Variants in RBMS3 observed in about 807,000 individuals in gnomAD.
RBMS3 encodes RNA binding motif single stranded interacting protein 3.
RBMS3 carries 27 observed loss-of-function variants against 66.8 expected under a neutral mutation model. That is an observed-to-expected ratio of 0.40 (90% CI 0.30 to 0.56). The LOEUF (loss-of-function observed/expected upper bound fraction) is 0.56, where lower values mean the gene tolerates loss of function less well. Among genes scored for constraint, RBMS3 ranks in the 20% least tolerant of loss-of-function variants. RBMS3 has a pLI of 0.40. For synonymous variants in RBMS3, 188 were observed against 183.0 expected (o/e 1.03, Z -0.22); for missense variants, 513 against 549.5 (o/e 0.93, Z 0.66).
At chr3:29,663,987 T>C (rs1035307678) in intron 4 of RBMS3, among the ~76,000 whole-genome samples, 2 of 152,158 alleles carry the variant, frequency 1.3e-5, no homozygotes, top group Admixed American at 1.3e-4. Context: ...CCTTTAACAA[T>C]AGAGGTATTG....
chr3:29,695,757 G>A (rs531258680), intron 4 of RBMS3, among the ~76,000 whole-genome samples: 2 of 152,138 alleles, frequency 1.3e-5, no homozygotes, highest in Admixed American at 6.6e-5. Flanking sequence ...TGGACAGCAC[G>A]GGAGAACACA....
At chr3:29,605,204 T>C (rs902366493) in intron 4 of RBMS3, among the ~76,000 whole-genome samples, 10 of 151,852 alleles carry the variant, frequency 6.6e-5, no homozygotes, top group Admixed American at 4.0e-4. Flanking sequence ...AGGAAGCCAC[T>C]GTGCAGACTA....
At chr3:29,405,026 A>G (rs1024882619) in intron 1 of RBMS3, among the ~76,000 whole-genome samples, 2 of 152,172 alleles carry the variant, frequency 1.3e-5, no homozygotes, top group Non-Finnish European at 2.9e-5. Context: ...GTTAAAAACC[A>G]CAATAACCAT....
intron 10 of RBMS3, among the ~76,000 whole-genome samples, chr3:29,926,574 T>C (rs1294236816): frequency 6.6e-6 from 1 of 152,194 alleles, no homozygotes; most frequent in African/African-American, 2.4e-5. Flanking sequence ...TTACAAGACC[T>C]TGAAAAGGAT....
chr3:29,436,520 A>G (rs2041410725), intron 2 of RBMS3, among the ~76,000 whole-genome samples: 1 of 152,240 alleles, frequency 6.6e-6, no homozygotes, highest in Non-Finnish European at 1.5e-5. Context: ...GTTGAGAATC[A>G]GAAGATAAAT....
intron 12 of RBMS3, among the ~76,000 whole-genome samples, chr3:29,955,342 T>C (rs1695961618): frequency 6.6e-6 from 1 of 152,076 alleles, no homozygotes; most frequent in South Asian, 2.1e-4. Flanking sequence ...CATATGGTCC[T>C]GTGTGTAACC....
chr3:29,796,871 C>T (rs1280975134), intron 6 of RBMS3, among the ~76,000 whole-genome samples: 1 of 152,000 alleles, frequency 6.6e-6, no homozygotes, highest in African/African-American at 2.4e-5. Flanking sequence ...CCCCACCACA[C>T]CTGGCTAATT....
chr3:29,333,998 G>A (rs1409509423), intron 1 of RBMS3, among the ~76,000 whole-genome samples: 1 of 152,076 alleles, frequency 6.6e-6, no homozygotes, highest in Non-Finnish European at 1.5e-5. Flanking sequence ...ATGACCATAG[G>A]CAAAGCTGTA....
At chr3:29,818,326 A>C (rs1046857959) in intron 6 of RBMS3, among the ~76,000 whole-genome samples, 17 of 151,778 alleles carry the variant, frequency 1.1e-4, no homozygotes, top group African/African-American at 4.1e-4. Flanking sequence ...TAATAAGTAA[A>C]ATACAATTCT....
intron 12 of RBMS3, among the ~76,000 whole-genome samples, chr3:29,984,242 CTG>C (rs1347884770): frequency 3.3e-5 from 5 of 151,922 alleles, no homozygotes; most frequent in African/African-American, 1.2e-4. Context: ...AGTTCTCATG[CTG>C]TGTTTTTCAG....
intron 3 of RBMS3, among the ~76,000 whole-genome samples, chr3:29,494,446 C>T (rs1487221666): frequency 1.3e-5 from 2 of 152,274 alleles, no homozygotes; most frequent in East Asian, 1.9e-4. Flanking sequence ...CAACATACAA[C>T]AAAGCAGTCA....
chr3:30,003,797 G>T, intron 14 of RBMS3, 59 bp from the exon 15 acceptor site: 1 of 1,253,848 alleles, frequency 8.0e-7, no homozygotes. Flanking sequence ...AAAGGGCACA[G>T]AAGGTGATTT....
At chr3:29,312,267 T>A (rs779817602) in intron 1 of RBMS3, among the ~76,000 whole-genome samples, 6 of 136,806 alleles carry the variant, frequency 4.4e-5, no homozygotes, top group Non-Finnish European at 9.7e-5. Flanking sequence ...CACAGCCAGT[T>A]ATTTTTTTCT....
chr3:29,317,627 A>G (rs1288481097), intron 1 of RBMS3, among the ~76,000 whole-genome samples: 4 of 151,860 alleles, frequency 2.6e-5, no homozygotes, highest in Non-Finnish European at 4.4e-5. Flanking sequence ...GTAAATAATT[A>G]ATTAATTTAA....
At chr3:29,420,169 T>C (rs1322212703) in intron 1 of RBMS3, among the ~76,000 whole-genome samples, 3 of 152,184 alleles carry the variant, frequency 2.0e-5, no homozygotes, top group Non-Finnish European at 2.9e-5. Context: ...CCACCTTTCT[T>C]TGAGAAATTT....
chr3:29,367,386 G>A (rs1206136943), intron 1 of RBMS3, among the ~76,000 whole-genome samples: 2 of 152,060 alleles, frequency 1.3e-5, no homozygotes, highest in African/African-American at 4.8e-5. Flanking sequence ...GAGTGTCTAC[G>A]TGTGTGAGTG....
chr3:29,421,627 G>A (rs1407299080), intron 1 of RBMS3, among the ~76,000 whole-genome samples: 14 of 152,106 alleles, frequency 9.2e-5, no homozygotes. Context: ...TTCTAAGAAT[G>A]ACTTCCCTTA....
At chr3:29,674,737 C>CAAAAAAAAAAAAAAAAAAAAAA (rs149403305) in intron 4 of RBMS3, among the ~76,000 whole-genome samples, 1 of 100,912 alleles carries the variant, frequency 9.9e-6, no homozygotes, top group African/African-American at 3.7e-5. Context: ...ACCACTGCTC[C>CAAAAAAAAAAAAAAAAAAAAAA]AAAAAAAAAA....
At chr3:29,471,898 A>AT (rs1254182477) in intron 2 of RBMS3, among the ~76,000 whole-genome samples, 3 of 151,950 alleles carry the variant, frequency 2.0e-5, no homozygotes, top group Non-Finnish European at 4.4e-5. Context: ...ATTTAAAAAG[A>AT]TTTTAGGAAC....
Sources: gnomAD v4.1 joint callset for allele counts (sites outside exome capture counted in the v4.1 genomes callset) on GRCh38, gnomAD v4.1.1 for gene constraint, MANE v1.5 for transcripts, NCBI Gene and HGNC (gene_info 2026-07-23, HGNC 2026-07-21) for gene names.